The following CEP85L variants were observed in gnomAD, a reference collection of about 807,000 sequenced individuals.
CEP85L encodes the protein centrosomal protein 85L.
A neutral mutation model predicts 100.3 loss-of-function variants in CEP85L; 60 were observed. The observed-to-expected ratio is 0.60, with a 90% CI of 0.49 to 0.74. CEP85L has a LOEUF of 0.74. CEP85L is among the 30% of genes least tolerant of loss of function. The probability of loss-of-function intolerance (pLI) is 0.00; values close to 1 mark genes in which losing one functional copy is unlikely to be tolerated. For synonymous variants in CEP85L, 319 were observed against 322.7 expected (o/e 0.99, Z 0.12); for missense variants, 973 against 936.2 (o/e 1.04, Z -0.51).
chr6:118,687,692 A>G (rs1242992141), intron 1 of CEP85L, among the ~76,000 whole-genome samples: 1 of 152,004 alleles, frequency 6.6e-6, no homozygotes, highest in Non-Finnish European at 1.5e-5. Context: ...ACTCTATTAA[A>G]TCTTGCAACT....
At chr6:118,676,897 A>G (rs771578304) in intron 1 of CEP85L, among the ~76,000 whole-genome samples, 2 of 152,152 alleles carry the variant, frequency 1.3e-5, no homozygotes, top group Non-Finnish European at 2.9e-5. Context: ...CCGGTGTAAG[A>G]CGATATCTCA....
intron 3 of CEP85L, chr6:118,559,308 G>T: frequency 1.9e-6 from 1 of 528,108 alleles, no homozygotes; most frequent in South Asian, 2.1e-5. Flanking sequence ...TTCAAAATAA[G>T]TGTATAAAAT....
chr6:118,565,383 C>T (rs935218263), intron 3 of CEP85L, 146 bp downstream of exon 3: 18 of 752,656 alleles, frequency 2.4e-5, no homozygotes, highest in African/African-American at 1.8e-4. Flanking sequence ...CAACACTTTT[C>T]GGTTTGTAAC....
chr6:118,488,058 C>T lies in CEP85L; in HGVS notation c.1437+3628G>A, dbSNP rs7749208. Among the ~76,000 whole-genome samples the T allele has an allele frequency of 1.1e-4, 16 of 151,858 alleles. No individual in the cohort carries two copies. The South Asian group carries it at 2.9e-3, about 28-fold the overall frequency. The stretch of plus-strand genomic sequence containing the variant: ...AAAGATATGAAAAGCCCCCCTCTCT[C>T]GCCAGACTGATTAGTGAGGGTCTTC... On this transcript the variant is annotated intron_variant, in intron 6 of 12. Coordinates refer to ENST00000368491, the MANE Select transcript of CEP85L (RefSeq NM_001042475.3).
rs536580663 is a variant in CEP85L at position 118,533,445 on chromosome 6, T to C, written c.1021-9525A>G. On this transcript the variant is annotated intron_variant, in intron 3 of 12. Transcript: ENST00000368491. ...ATAATCTGAATGTCCTATAAACTATTAGAGTAATTGAATTTATAATTTTTT... is the reference window on the plus strand; with the variant it reads ...ATAATCTGAATGTCCTATAAACTATCAGAGTAATTGAATTTATAATTTTTT... Among the ~76,000 whole-genome samples the C allele has an allele frequency of 2.7e-4, 40 of 148,110 alleles. 1 individual carries two copies. The highest frequency in any genetic ancestry group is 9.8e-4 in the African/African-American group (39 of 39,866).
intron 1 of CEP85L, among the ~76,000 whole-genome samples, chr6:118,641,535 C>T (rs537357366): frequency 2.6e-5 from 4 of 152,078 alleles, no homozygotes; most frequent in Admixed American, 6.6e-5. Context: ...ATAACATAAA[C>T]GGAGGTGCTC....
chr6:118,628,556 GAGA>G (rs1286684968), intron 2 of CEP85L, among the ~76,000 whole-genome samples: 1 of 150,012 alleles, frequency 6.7e-6, no homozygotes, highest in East Asian at 2.0e-4. Flanking sequence ...AAAAAAAAAG[GAGA>G]AGAAGGCAGA....
At chr6:118,625,960 G>A (rs1773763676) in intron 2 of CEP85L, among the ~76,000 whole-genome samples, 1 of 152,134 alleles carries the variant, frequency 6.6e-6, no homozygotes, top group Admixed American at 6.5e-5. Context: ...CAGCCCACTG[G>A]TCTCTTAACT....
At chr6:118,608,119 T>C (rs748870421) in intron 2 of CEP85L, among the ~76,000 whole-genome samples, 2 of 152,214 alleles carry the variant, frequency 1.3e-5, no homozygotes, top group Non-Finnish European at 2.9e-5. Context: ...TTACAAATAT[T>C]TGCTTCCAGT....
chr6:118,566,787 G>C lies in CEP85L; in HGVS notation c.233-471C>G, dbSNP rs147167899. Among the ~76,000 whole-genome samples the C allele has an allele frequency of 3.7e-3, 564 of 152,280 alleles. 3 individuals are homozygous for C. The highest frequency in any genetic ancestry group is 0.013 in the African/African-American group (538 of 41,566). On this transcript the variant is annotated intron_variant, in intron 2 of 12. Coordinates refer to ENST00000368491, the MANE Select transcript of CEP85L (RefSeq NM_001042475.3). ...ATTATTATCCTTTTATCTGAAACAA[G>C]TCAACATAGTTTCAGATTGGATTTT...
intron 2 of CEP85L, among the ~76,000 whole-genome samples, chr6:118,606,095 C>T (rs1222259146): frequency 1.3e-5 from 2 of 151,164 alleles, no homozygotes; most frequent in Non-Finnish European, 2.9e-5. Context: ...AAACCTTTTT[C>T]CATAAAAACA....
chr6:118,655,847 G>A (rs1438428093), upstream of CEP85L, among the ~76,000 whole-genome samples: 6 of 152,170 alleles, frequency 3.9e-5, no homozygotes, highest in Non-Finnish European at 8.8e-5. Context: ...CCTATTTTAT[G>A]TTGAGTAGTT....
chr6:118,547,342 T>G (rs1778267216), intron 3 of CEP85L, among the ~76,000 whole-genome samples: 1 of 152,124 alleles, frequency 6.6e-6, no homozygotes, highest in Non-Finnish European at 1.5e-5. Flanking sequence ...CATCTCATTT[T>G]TATAGTAATT....
Position 118,572,725 on chromosome 6 carries a change from C to T in CEP85L, c.233-6409G>A, listed in dbSNP as rs186968126. On this transcript the variant is annotated intron_variant, in intron 2 of 12. Coordinates refer to ENST00000368491, the MANE Select transcript of CEP85L (RefSeq NM_001042475.3). ...TCCTAGGAATGTATCATGTACAAGG[C>T]ATTATGCTAGGTAGAAAAGACAATA... 9.9e-4 allele frequency among the ~76,000 whole-genome samples: 151 copies of T among 152,148 alleles called. 1 individual carries two copies. Among genetic ancestry groups the T allele is most frequent in the African/African-American group, 3.4e-3 (143 of 41,512 alleles).
chr6:118,700,112 T>C (rs955470222), intron 1 of CEP85L, among the ~76,000 whole-genome samples: 1 of 152,208 alleles, frequency 6.6e-6, no homozygotes, highest in Non-Finnish European at 1.5e-5. Context: ...CCACAGAGTA[T>C]TCTCTTTTTA....
At chr6:118,699,290 T>TA (rs34785339) in intron 1 of CEP85L, among the ~76,000 whole-genome samples, 2 of 151,626 alleles carry the variant, frequency 1.3e-5, no homozygotes, top group Non-Finnish European at 2.9e-5. Flanking sequence ...CCCATCTCTA[T>TA]AAAAAAATTA....
intron 3 of CEP85L, among the ~76,000 whole-genome samples, chr6:118,556,213 C>G (rs1029470739): frequency 1.3e-5 from 2 of 152,196 alleles, no homozygotes; most frequent in Non-Finnish European, 2.9e-5. Flanking sequence ...TTATAAGCTG[C>G]TATTTTCTAA....
In CEP85L at chr6:118,507,601, A is replaced by G. The variant is rs374212836; in HGVS notation, c.1257+3697T>C. Among the ~76,000 whole-genome samples the G allele has an allele frequency of 8.4e-4, 128 of 152,250 alleles. 4 individuals carry two copies. The South Asian group carries it at 0.024, about 29-fold the overall frequency. On this transcript the variant is annotated intron_variant, in intron 5 of 12. Transcript: ENST00000368491. ...GGCCCTTGCTTACCTCTTCAACCAC[A>G]TATCTACCACTACCTTTCTCTCACA...
At chr6:118,637,540 A>AAG (rs1774575916) in intron 1 of CEP85L, among the ~76,000 whole-genome samples, 1 of 18,752 alleles carries the variant, frequency 5.3e-5, no homozygotes, top group East Asian at 4.8e-4. Flanking sequence ...TCTACAAAAG[A>AAG]AAAAAAAAAA....
Sources: gnomAD v4.1 joint callset for allele counts (sites outside exome capture counted in the v4.1 genomes callset) on GRCh38, gnomAD v4.1.1 for gene constraint, MANE v1.5 for transcripts, NCBI Gene and HGNC (gene_info 2026-07-23, HGNC 2026-07-21) for gene names.